The following C1QTNF1 variants were observed in gnomAD, a reference collection of about 807,000 sequenced individuals.
C1QTNF1 encodes C1q and TNF related 1.
In C1QTNF1, 22 loss-of-function variants were observed where a neutral mutation model predicts 27.8. The ratio of observed to expected loss-of-function variants is 0.79; its 90% confidence interval spans 0.56 to 1.13. The LOEUF is 1.13. C1QTNF1 is among the 50% of genes most tolerant of loss of function. The pLI, the probability that C1QTNF1 is intolerant of heterozygous loss-of-function variation, is 0.00. For synonymous variants in C1QTNF1, 166 were observed against 154.3 expected, an observed-to-expected ratio of 1.08 and a Z score of -0.56; for missense variants, 373 against 380.2, an observed-to-expected ratio of 0.98 and a Z score of 0.16.
In C1QTNF1 at chr17:79,047,555, G is replaced by A. The variant is rs2072619005; in HGVS notation, c.313G>A (p.Gly105Arg). 2.0e-6 allele frequency: 3 copies of A among 1,527,524 alleles called. No homozygotes were observed. The highest frequency in any genetic ancestry group is 2.6e-6 in the Non-Finnish European group (3 of 1,139,352). The allele number at this position is 1,527,524 out of a possible 1,614,324, so 94.6% of individuals were successfully genotyped here. A position where few individuals can be genotyped will look rare whatever the true frequency, so the allele number is the denominator to read the frequency against. Residue 105 changes from glycine to arginine, a missense_variant, in exon 4 of 4, where the codon GGA (glycine) becomes AGA (arginine). Coordinates refer to ENST00000579760, the MANE Select transcript of C1QTNF1 (RefSeq NM_030968.5). ...CCTTTTAGGGGAGAAGGGTGACCGC[G>A]GAGATCGAGGCCTCCAAGGGAAATA... is the stretch of plus-strand genomic sequence containing the variant. ...TILKGEKGDR[G>R]DRGLQGKYGK... is the part of the protein sequence containing the mutation.
intron 1 of C1QTNF1, chr17:79,025,914 A>T: frequency 2.3e-6 from 1 of 439,348 alleles, no homozygotes; most frequent in Non-Finnish European, 4.6e-6. Context: ...CATCATCATC[A>T]TCATCATGAT....
chr17:79,033,704 T>A (rs1028317314), intron 1 of C1QTNF1, among the ~76,000 whole-genome samples: 1 of 150,854 alleles, frequency 6.6e-6, no homozygotes, highest in African/African-American at 2.4e-5. Context: ...CCCTGTCTCC[T>A]AAATAAATAA....
At position 79,047,607 on chromosome 17, in the gene C1QTNF1, G is replaced by A. The variant is rs2072620942; in HGVS notation, c.365G>A (p.Arg122Lys). The A allele has an allele frequency of 6.4e-7, 1 of 1,568,666 alleles. No homozygotes were observed. The highest frequency in any genetic ancestry group is 1.9e-5 in the Admixed American group (1 of 52,980). ...GGCAAAACAGGCTCAGCAGGGGCCA[G>A]GGGCCACACTGGACCCAAAGGGCAG... ...KYGKTGSAGARGHTGPKGQKG... is the reference protein window; with the variant it reads ...KYGKTGSAGAKGHTGPKGQKG... The change falls in exon 4 of 4, where the codon AGG (arginine) becomes AAG (lysine). Residue 122 changes from arginine to lysine, a missense_variant. Physicochemically the swap from Arg to Lys is conservative, Grantham distance 26 (BLOSUM62 2). Coordinates refer to ENST00000579760, the MANE Select transcript of C1QTNF1 (RefSeq NM_030968.5).
chr17:79,042,201 T>C (rs950495802), intron 1 of C1QTNF1, among the ~76,000 whole-genome samples: 1 of 152,188 alleles, frequency 6.6e-6, no homozygotes, highest in African/African-American at 2.4e-5. Flanking sequence ...GCTGTGCCCC[T>C]CGGTGGGGAG....
chr17:79,034,978 G>C (rs942115875), intron 1 of C1QTNF1, among the ~76,000 whole-genome samples: 1 of 152,172 alleles, frequency 6.6e-6, no homozygotes. Context: ...AGTGCAGTTA[G>C]AGCAGGGAAT....
Position 79,046,636 on chromosome 17 carries a change from C to T in C1QTNF1, c.237C>T (p.Pro79=), listed in dbSNP as rs11077409. The T allele has an allele frequency of 0.21, 334,490 of 1,613,996 alleles. 41,123 individuals carry two copies. The highest frequency in any genetic ancestry group is 0.58 in the East Asian group (26,089 of 44,862). The change falls in exon 3 of 4, where the codon CCC becomes CCT. Residue 79 remains proline (P), a synonymous_variant. Transcript: ENST00000579760. This position sits in a 1 kb window ranked among gnomAD's most constrained non-coding sequence, Gnocchi z 4.8. ...PASRCLRCCD[P]GTSMYPATAV... The stretch of plus-strand genomic sequence containing the variant: ...CCCGGTGCTTGCGCTGCTGTGACCC[C>T]GGTACCTCCATGTACCCGGCGACCG...
rs145944438 is a variant in C1QTNF1, at chr17:79,048,657, T to C, written c.*569T>C. The C allele has an allele frequency of 3.8e-3, 577 of 152,380 alleles. 2 individuals carry two copies. Among genetic ancestry groups the C allele is most frequent in the Non-Finnish European group, 6.0e-3 (408 of 68,092 alleles). 9.4% of individuals were successfully genotyped at this position (152,380 alleles called of 1,614,324 possible). A position where few individuals can be genotyped will look rare whatever the true frequency, so the allele number is the denominator to read the frequency against. ...TCTTTTAAGCCACGTAGGAACTTTCTTGAGGGATAGGTGGACCCTGACATC... is the reference window on the plus strand; with the variant it reads ...TCTTTTAAGCCACGTAGGAACTTTCCTGAGGGATAGGTGGACCCTGACATC... On this transcript the variant is annotated 3_prime_UTR_variant, in exon 4 of 4. Transcript: ENST00000579760.
In C1QTNF1 at chr17:79,043,966, A is replaced by T. The variant is rs2072496314; in HGVS notation, c.-3A>T. ...TTCTTTCCCACCAGGGCCCGGCAGG[A>T]AGATGGGCTCCCGTGGACAGGGACT... On this transcript the variant is annotated 5_prime_UTR_variant, in exon 2 of 4. Coordinates refer to ENST00000579760, the MANE Select transcript of C1QTNF1 (RefSeq NM_030968.5). The T allele has an allele frequency of 6.2e-7, 1 of 1,613,906 alleles. No individual in the cohort carries two copies.
At position 79,046,514 on chromosome 17, in the gene C1QTNF1, T is replaced by C. The variant is rs765012138; in HGVS notation, c.156-41T>C. On this transcript the variant is annotated intron_variant, in intron 2 of 3. Coordinates refer to ENST00000579760, the MANE Select transcript of C1QTNF1 (RefSeq NM_030968.5). The surrounding 1 kb of genome is among the most constrained non-coding windows in gnomAD (Gnocchi z 4.8). ...CAGGAGAGAGCAGCGTTTCCAGGCC[T>C]GAGAGTGGCTGACTTTCACTGTGAT... 21 of 1,612,484 alleles carry C rather than the reference T, an allele frequency of 1.3e-5. No individual in the cohort carries two copies. Among genetic ancestry groups the C allele is most frequent in the Middle Eastern group, 3.4e-4 (2 of 5,950 alleles).
chr17:79,036,478 A>G (rs894234041), intron 1 of C1QTNF1, among the ~76,000 whole-genome samples: 1 of 152,176 alleles, frequency 6.6e-6, no homozygotes, highest in African/African-American at 2.4e-5. Flanking sequence ...CCCAGCCTAC[A>G]TGTATTAATA....
upstream of C1QTNF1, among the ~76,000 whole-genome samples, chr17:79,023,693 T>TGCGC (rs143597397): frequency 8.4e-4 from 115 of 136,220 alleles, no homozygotes; most frequent in African/African-American, 2.9e-3. Context: ...CCAAAGGTGA[T>TGCGC]GCGCGCGCGC....
At chr17:79,043,596 GAT>G in intron 1 of C1QTNF1, 2 of 450,214 alleles carry the variant, frequency 4.4e-6, no homozygotes, top group Non-Finnish European at 8.8e-6. Flanking sequence ...CATGTGTGTG[GAT>G]TGCATGTGTG....
At chr17:79,024,016 ACCC>A (rs962079590), upstream of C1QTNF1, 1 of 152,164 alleles carries the variant, frequency 6.6e-6, no homozygotes, top group East Asian at 1.9e-4. Context: ...AATCTGCCCC[ACCC>A]CCACTCTCAG....
At chr17:79,037,832 TG>T (rs1419517645) in intron 1 of C1QTNF1, among the ~76,000 whole-genome samples, 6 of 151,796 alleles carry the variant, frequency 4.0e-5, no homozygotes, top group African/African-American at 1.5e-4. Context: ...CCACCATGCC[TG>T]GCTAATTTTT....
rs180991368 is a variant in C1QTNF1, at chr17:79,036,270, G to A, written c.-14-7685G>A. On this transcript the variant is annotated intron_variant, in intron 1 of 3. Coordinates refer to ENST00000579760, the MANE Select transcript of C1QTNF1 (RefSeq NM_030968.5). ...GCTCACTGCAGCCTCAACCCCCTGA[G>A]ATCAACCAGTCCTCTTGCCTCAGCC... 5.3e-5 allele frequency among the ~76,000 whole-genome samples: 8 copies of A among 152,320 alleles called. No individual in the cohort carries two copies. In the East Asian group the frequency reaches 1.4e-3, roughly 26 times the overall value.
chr17:79,023,964 C>G (rs562851117), upstream of C1QTNF1: 1 of 152,362 alleles, frequency 6.6e-6, no homozygotes, highest in African/African-American at 2.4e-5. Context: ...TCGTCCGGGG[C>G]TCGCAGCCCC....
chr17:79,045,975 G>A (rs866073498), intron 2 of C1QTNF1, among the ~76,000 whole-genome samples: 3 of 152,116 alleles, frequency 2.0e-5, no homozygotes, highest in South Asian at 2.1e-4. Flanking sequence ...GTGGGTCTGC[G>A]CAGCTCTACA....
rs1599313443 is a variant in C1QTNF1, at chr17:79,048,075, C to T, written c.833C>T (p.Ala278Val). The change falls in exon 4 of 4, where the codon GCC becomes GTC. Residue 278 changes from alanine (A) to valine (V), a missense_variant. By Grantham distance (64) the Ala-to-Val change is moderately conservative. Transcript: ENST00000579760. The stretch of plus-strand genomic sequence containing the variant: ...TTCAGTGGCTACCTGGTCAAGCACG[C>T]CACCGAGCCCTAGCTGGCCGGCCAC... ...ITFSGYLVKH[A>V]TEP The T allele has an allele frequency of 1.3e-6, 2 of 1,561,704 alleles. No homozygotes were observed. The highest frequency in any genetic ancestry group is 2.4e-5 in the South Asian group (2 of 84,916).
chr17:79,028,926 G>T (rs2072052453), intron 1 of C1QTNF1, among the ~76,000 whole-genome samples: 2 of 152,062 alleles, frequency 1.3e-5, no homozygotes, highest in Non-Finnish European at 2.9e-5. Flanking sequence ...GCACGCGCGG[G>T]TGTTCCTGGT....
Sources: allele counts gnomAD v4.1 joint callset (sites outside exome capture counted in the v4.1 genomes callset), GRCh38; gene constraint gnomAD v4.1.1; non-coding constraint Gnocchi (gnomAD v3.1); transcripts MANE v1.5; gene names NCBI Gene and HGNC (gene_info 2026-07-23, HGNC 2026-07-21).